Variants in NEK4 observed in about 807,000 individuals in gnomAD.
The protein encoded by NEK4 is NIMA related kinase 4.
A neutral mutation model predicts 98.4 loss-of-function variants in NEK4; 86 were observed. The observed-to-expected ratio is 0.87, with a 90% CI of 0.73 to 1.05. The LOEUF is 1.05. Among genes scored for constraint, NEK4 ranks in the 50% least tolerant of loss-of-function variants. NEK4 has a pLI of 0.00. For missense variants in NEK4, 898 were observed against 950.3 expected, an observed-to-expected ratio of 0.94 and a Z score of 0.72; for synonymous variants, 328 against 342.2, an observed-to-expected ratio of 0.96 and a Z score of 0.46.
At position 52,766,496 on chromosome 3, in the gene NEK4, A is replaced by C. The variant is rs542456397; in HGVS notation, c.361-121T>G. On this transcript the variant is annotated intron_variant, in intron 2 of 15. Coordinates refer to ENST00000233027, the MANE Select transcript of NEK4 (RefSeq NM_003157.6). ...AGTCTTTGACCGTAAAGAGTAACCA[A>C]CCATACAATTCCTTATTCAACAAGC... The C allele has an allele frequency of 3.3e-5, 22 of 671,050 alleles. No homozygotes were observed. In the African/African-American group the frequency reaches 3.8e-4, roughly 12 times the overall value. The allele number at this position is 671,050 out of a possible 1,614,324, so 41.6% of individuals were successfully genotyped here.
At chr3:52,747,039 TA>T in intron 8 of NEK4, 135 bp from the exon 9 acceptor site, 2 of 650,148 alleles carry the variant, frequency 3.1e-6, no homozygotes, top group Non-Finnish European at 5.3e-6. Context: ...CTGGTTTCCA[TA>T]TTGCAATTTA....
chr3:52,735,914 C>CT (rs758566278), intron 15 of NEK4, among the ~76,000 whole-genome samples: 8 of 152,212 alleles, frequency 5.3e-5, no homozygotes, highest in Non-Finnish European at 1.2e-4. Flanking sequence ...GGAAAGAACT[C>CT]TACTGGTGTC....
intron 7 of NEK4, among the ~76,000 whole-genome samples, chr3:52,751,315 G>A (rs1415524005): frequency 6.6e-6 from 1 of 152,100 alleles, no homozygotes; most frequent in Non-Finnish European, 1.5e-5. Flanking sequence ...AATTAGCCAG[G>A]TGTGGTGGTG....
At position 52,766,279 on chromosome 3, in the gene NEK4, C is replaced by A. The variant is rs748170330; in HGVS notation, c.457G>T (p.Ala153Ser). 1.2e-6 allele frequency: 2 copies of A among 1,613,976 alleles called. No homozygotes were observed. Among genetic ancestry groups the A allele is most frequent in the Non-Finnish European group, 8.5e-7 (1 of 1,179,886 alleles). ...NIIKVGDLGI[A>S]RVLENHCDMA... ...TCACAGTGGTTCTCTAACACTCGGG[C>A]AATTCCTAGGTCCCCTACTTTGATG... The change falls in exon 3 of 16, where the codon GCC (alanine) becomes TCC (serine). Residue 153 changes from alanine (A) to serine (S), a missense_variant. By Grantham distance (99) the Ala-to-Ser change is moderately conservative (BLOSUM62 1). Coordinates refer to ENST00000233027, the MANE Select transcript of NEK4 (RefSeq NM_003157.6).
chr3:52,737,262 T>TA (rs34831384), intron 15 of NEK4, among the ~76,000 whole-genome samples: 139 of 141,368 alleles, frequency 9.8e-4, no homozygotes, highest in African/African-American at 1.1e-3. Flanking sequence ...AAATTTTCCT[T>TA]AAAAAAAAAA....
chr3:52,720,696 A>T (rs1410482962), intron 15 of NEK4, among the ~76,000 whole-genome samples: 1 of 152,242 alleles, frequency 6.6e-6, no homozygotes, highest in Non-Finnish European at 1.5e-5. Flanking sequence ...AAGTGAAATA[A>T]GGAAATTCCC....
At chr3:52,753,639 T>G (rs1322846359) in intron 6 of NEK4, 1 of 586,228 alleles carries the variant, frequency 1.7e-6, no homozygotes, top group Non-Finnish European at 3.4e-6. Flanking sequence ...AAGAAACAGC[T>G]GCCTTCTATT....
Position 52,760,891 on chromosome 3 carries a change from C to T in NEK4, c.867G>A (p.Lys289=), listed in dbSNP as rs1181624552. 7 of 1,605,540 alleles carry T rather than the reference C, an allele frequency of 4.4e-6. No homozygotes were observed. Among genetic ancestry groups the T allele is most frequent in the South Asian group, 2.2e-5 (2 of 90,410 alleles). The change falls in exon 6 of 16, where the codon AAG becomes AAA. Residue 289 remains lysine (K), a synonymous_variant. Coordinates refer to ENST00000233027, the MANE Select transcript of NEK4 (RefSeq NM_003157.6). ...CTCCAGAAACCACTGTAGCAAAAGG[C>T]TTGGATTGAGAGTCACCATTTTTAA... ...NNIKNGDSQS[K]PFATVVSGEA...
intron 15 of NEK4, among the ~76,000 whole-genome samples, chr3:52,713,108 C>G (rs561250563): frequency 5.6e-4 from 86 of 152,288 alleles, no homozygotes; most frequent in African/African-American, 2.0e-3. Flanking sequence ...TAAAATTCAA[C>G]CTGACCAGTA....
chr3:52,764,778 G>GCACGCA (rs1553618482), intron 4 of NEK4, among the ~76,000 whole-genome samples: 2 of 145,030 alleles, frequency 1.4e-5, no homozygotes, highest in Non-Finnish European at 3.0e-5. Flanking sequence ...ACACACACAT[G>GCACGCA]CACACACACA....
At chr3:52,738,586 G>A (rs564617655) in intron 14 of NEK4, among the ~76,000 whole-genome samples, 2 of 152,110 alleles carry the variant, frequency 1.3e-5, no homozygotes, top group South Asian at 2.1e-4. Context: ...GAGTAGCTGG[G>A]ACTACAGGCA....
At chr3:52,762,737 C>A (rs956204129) in intron 5 of NEK4, among the ~76,000 whole-genome samples, 2 of 152,102 alleles carry the variant, frequency 1.3e-5, no homozygotes, top group Non-Finnish European at 2.9e-5. Context: ...AAAAATTAGC[C>A]GGGCACGGTG....
chr3:52,738,114 A>AC (rs1561301174), intron 14 of NEK4, among the ~76,000 whole-genome samples: 1 of 145,102 alleles, frequency 6.9e-6, no homozygotes. Flanking sequence ...CACCCGGCCT[A>AC]TTTTTTTTTT....
At position 52,746,330 on chromosome 3, in the gene NEK4, AT is replaced by A. The variant is rs1011411522; in HGVS notation, c.1678-121del. ...GCTCTTAAAACCTTCAAAACATTGC[AT>A]TTTTTTGGAAAGACTCTGCCAAAAG... On this transcript the variant is annotated intron_variant, in intron 9 of 15. Coordinates refer to ENST00000233027, the MANE Select transcript of NEK4 (RefSeq NM_003157.6). 21 of 934,156 alleles carry A rather than the reference AT, an allele frequency of 2.2e-5. No homozygotes were observed. The Admixed American group carries it at 2.9e-4, about 13-fold the overall frequency. 57.9% of individuals were successfully genotyped at this position (934,156 alleles called of 1,614,324 possible). A position where few individuals can be genotyped will look rare whatever the true frequency, so the allele number is the denominator to read the frequency against.
At chr3:52,718,238 C>T (rs188432454) in intron 15 of NEK4, among the ~76,000 whole-genome samples, 7 of 151,376 alleles carry the variant, frequency 4.6e-5, no homozygotes, top group Admixed American at 6.6e-5. Context: ...TCTGGGAGGC[C>T]GAGGCAGGTT....
At chr3:52,758,959 G>A (rs1441947676) in intron 6 of NEK4, among the ~76,000 whole-genome samples, 3 of 151,308 alleles carry the variant, frequency 2.0e-5, no homozygotes, top group Admixed American at 6.6e-5. Context: ...GTATGGTGGC[G>A]TGCACCTGTA....
At chr3:52,754,782 C>G (rs1047036569) in intron 6 of NEK4, 5 of 342,526 alleles carry the variant, frequency 1.5e-5, no homozygotes, top group East Asian at 1.4e-4. Flanking sequence ...GCTTGAAAAA[C>G]AAAACTGTGG....
At chr3:52,720,820 A>C (rs2097359391) in intron 15 of NEK4, among the ~76,000 whole-genome samples, 1 of 152,246 alleles carries the variant, frequency 6.6e-6, no homozygotes, top group Non-Finnish European at 1.5e-5. Flanking sequence ...AGCAATGTGA[A>C]AACACAAGAG....
At chr3:52,751,578 G>A (rs560822680) in intron 7 of NEK4, among the ~76,000 whole-genome samples, 9 of 151,784 alleles carry the variant, frequency 5.9e-5, no homozygotes, top group African/African-American at 1.9e-4. Flanking sequence ...CCGAGATCGC[G>A]CCATTGCAAT....
Sources: allele counts gnomAD v4.1 joint callset (sites outside exome capture counted in the v4.1 genomes callset), GRCh38; gene constraint gnomAD v4.1.1; transcripts MANE v1.5; gene names NCBI Gene and HGNC (gene_info 2026-07-23, HGNC 2026-07-21).